Variants in LIN54 observed in about 807,000 individuals in gnomAD.
The protein encoded by LIN54 is lin-54 DREAM MuvB core complex component.
LIN54 carries 9 observed loss-of-function variants against 78.7 expected under a neutral mutation model. The ratio of observed to expected loss-of-function variants is 0.11; its 90% CI spans 0.07 to 0.20. The LOEUF (loss-of-function observed/expected upper bound fraction) is 0.20. Ranked by LOEUF, LIN54 falls within the 10% of genes least tolerant of loss-of-function variation. The pLI, the probability that LIN54 is intolerant of heterozygous loss-of-function variation, is 1.00. For synonymous variants in LIN54, 269 were observed against 318.4 expected (o/e 0.84, Z 1.65); for missense variants, 573 against 889.9 (o/e 0.64, Z 4.53).
At chr4:82,948,227 A>T (rs1361447529) in intron 4 of LIN54, among the ~76,000 whole-genome samples, 1 of 152,218 alleles carries the variant, frequency 6.6e-6, no homozygotes, top group African/African-American at 2.4e-5. Context: ...GTACATTAGG[A>T]AACAAGGTGC....
intron 7 of LIN54, 85 bp from the exon 8 acceptor site, chr4:82,938,589 T>C: frequency 1.4e-6 from 1 of 738,406 alleles, no homozygotes; most frequent in Non-Finnish European, 2.3e-6. Flanking sequence ...GAAATACAAA[T>C]TCATCCATTA....
intron 1 of LIN54, among the ~76,000 whole-genome samples, chr4:82,991,688 T>TA (rs1429421480): frequency 2.4e-4 from 36 of 152,336 alleles, no homozygotes; most frequent in Non-Finnish European, 2.9e-5. Flanking sequence ...TGAGGTTTTT[T>TA]AAAAAATCAT....
intron 11 of LIN54, among the ~76,000 whole-genome samples, 176 bp from the exon 12 acceptor site, chr4:82,931,321 ATTC>A (rs1285386768): frequency 1.3e-5 from 2 of 152,206 alleles, no homozygotes; most frequent in African/African-American, 2.4e-5. Flanking sequence ...TAGGTTAGGT[ATTC>A]TTAAGTCTGA....
rs79686357 is a variant in LIN54 at position 82,972,551 on chromosome 4, T to G, written c.809-2082A>C. On this transcript the variant is annotated intron_variant, in intron 3 of 12. Coordinates refer to ENST00000340417, the MANE Select transcript of LIN54 (RefSeq NM_194282.4). ...TATTCTGGTTTCCAAAGCTAATACC[T>G]GTGAGATAAGTATGAAGCCCCAATA... 7.9e-3 allele frequency among the ~76,000 whole-genome samples: 1,210 copies of G among 152,296 alleles called. 8 individuals carry two copies. Among genetic ancestry groups the G allele is most frequent in the Non-Finnish European group, 0.012 (825 of 68,018 alleles).
In LIN54 at chr4:82,970,413, C is replaced by T. The variant is rs150110175; in HGVS notation, c.865G>A (p.Glu289Lys). Residue 289 changes from glutamate (E) to lysine (K), a missense_variant, in exon 4 of 13, where the codon GAA (glutamate) becomes AAA (lysine). Transcript: ENST00000340417. ...AAAGTTGATCCAATAACACCACTTT[C>T]AGATATTGTTATGGTCTTTGATGGA... ...GTPSKTITIS[E>K]SGVIGSTLNS... is the part of the protein sequence containing the mutation. 1.2e-6 allele frequency: 2 copies of T among 1,612,814 alleles called. No individual in the cohort carries two copies. Among genetic ancestry groups the T allele is most frequent in the Non-Finnish European group, 1.7e-6 (2 of 1,179,068 alleles).
intron 1 of LIN54, 102 bp downstream of exon 1, chr4:83,010,382 A>C: frequency 2.3e-6 from 1 of 437,588 alleles, no homozygotes; most frequent in Non-Finnish European, 3.1e-6. Context: ...CGGACAAGTC[A>C]TTCCTTGATC....
chr4:83,002,321 A>G (rs1406426711), intron 1 of LIN54, among the ~76,000 whole-genome samples: 4 of 151,508 alleles, frequency 2.6e-5, no homozygotes, highest in African/African-American at 4.9e-5. Flanking sequence ...GGATCGCCTA[A>G]GCCCAGGTGG....
intron 4 of LIN54, among the ~76,000 whole-genome samples, chr4:82,947,235 A>ATATATATTTTTTTTTTTTTT: frequency 2.3e-5 from 1 of 44,290 alleles, no homozygotes; most frequent in African/African-American, 1.0e-4. Context: ...ATATATATAT[A>ATATATATTTTTTTTTTTTTT]TTTTTTTTTT....
At chr4:82,936,983 T>C (rs1722443003) in intron 9 of LIN54, among the ~76,000 whole-genome samples, 1 of 152,202 alleles carries the variant, frequency 6.6e-6, no homozygotes. Context: ...GTCTGTCTCA[T>C]GCTGCTATGT....
At chr4:83,002,847 G>T (rs757341342) in intron 1 of LIN54, among the ~76,000 whole-genome samples, 7 of 152,110 alleles carry the variant, frequency 4.6e-5, no homozygotes, top group Non-Finnish European at 1.0e-4. Context: ...TCAACAATAG[G>T]CTATTAGTAG....
chr4:82,975,532 G>A (rs1469351187), intron 3 of LIN54, among the ~76,000 whole-genome samples: 1 of 151,954 alleles, frequency 6.6e-6, no homozygotes, highest in Non-Finnish European at 1.5e-5. Context: ...CCAACATGGT[G>A]AAACCCCGTC....
intron 1 of LIN54, among the ~76,000 whole-genome samples, chr4:82,989,429 CACA>C (rs1399982159): frequency 9.2e-5 from 14 of 152,142 alleles, no homozygotes; most frequent in African/African-American, 7.2e-5. Flanking sequence ...CAATGACAAT[CACA>C]ACAACAATAT....
chr4:82,957,263 CTG>C (rs930169489), intron 4 of LIN54, among the ~76,000 whole-genome samples: 1 of 152,206 alleles, frequency 6.6e-6, no homozygotes, highest in Non-Finnish European at 1.5e-5. Flanking sequence ...GCAAAACACA[CTG>C]AAAGTAAGCT....
chr4:82,954,327 G>A (rs1397856876), intron 4 of LIN54, among the ~76,000 whole-genome samples: 2 of 151,700 alleles, frequency 1.3e-5, no homozygotes, highest in East Asian at 3.9e-4. Context: ...CAATGCAATA[G>A]GCATGGAGTT....
chr4:82,998,894 T>C (rs527954631), intron 1 of LIN54, among the ~76,000 whole-genome samples: 1 of 152,302 alleles, frequency 6.6e-6, no homozygotes, highest in Admixed American at 6.5e-5. Flanking sequence ...ATATAAATTA[T>C]AAAAAGTTAC....
intron 1 of LIN54, among the ~76,000 whole-genome samples, chr4:82,995,398 G>A (rs1383460086): frequency 6.7e-6 from 1 of 149,124 alleles, no homozygotes; most frequent in East Asian, 2.0e-4. Flanking sequence ...CAGAGTCTAT[G>A]TAATAGACAG....
intron 1 of LIN54, among the ~76,000 whole-genome samples, chr4:82,987,094 C>G (rs1467006110): frequency 6.6e-5 from 10 of 152,118 alleles, no homozygotes; most frequent in African/African-American, 2.4e-4. Flanking sequence ...TGTTCGAGAC[C>G]AGCCTGGCCA....
Position 82,984,874 on chromosome 4 carries a change from G to A in LIN54, c.-30C>T, listed in dbSNP as rs1422680032. On this transcript the variant is annotated splice_region_variant and 5_prime_UTR_variant, in exon 2 of 13. Coordinates refer to ENST00000340417, the MANE Select transcript of LIN54 (RefSeq NM_194282.4). ...GTTCTCCCGCTAGAAAGTTGATCAG[G>A]CACTGTAATAAAAGTTGAAAAATGA... 6.4e-7 allele frequency: 1 copy of A among 1,563,944 alleles called. No homozygotes were observed. Among genetic ancestry groups the A allele is most frequent in the Non-Finnish European group, 8.6e-7 (1 of 1,157,220 alleles).
chr4:83,005,404 A>G (rs539839428), intron 1 of LIN54, among the ~76,000 whole-genome samples: 38 of 152,206 alleles, frequency 2.5e-4, no homozygotes, highest in African/African-American at 7.9e-4. Context: ...TTGGAGAACT[A>G]AGGCAGGCGG....
Sources: gnomAD v4.1 joint callset for allele counts (sites outside exome capture counted in the v4.1 genomes callset) on GRCh38, gnomAD v4.1.1 for gene constraint, MANE v1.5 for transcripts, NCBI Gene and HGNC (gene_info 2026-07-23, HGNC 2026-07-21) for gene names.